The following BAHCC1 variants were observed in gnomAD, a reference collection of about 807,000 sequenced individuals.
The protein encoded by BAHCC1 is BAH and coiled-coil domain-containing protein 1.
BAHCC1 carries 43 observed loss-of-function variants against 88.2 expected under a neutral mutation model. The ratio of observed to expected loss-of-function variants is 0.49; its 90% CI spans 0.38 to 0.63. The LOEUF (loss-of-function observed/expected upper bound fraction) is 0.63, where lower values mean the gene tolerates loss of function less well. Among genes scored for constraint, BAHCC1 ranks in the 20% least tolerant of loss-of-function variants. The pLI is 0.00. For missense variants in BAHCC1, 3,023 were observed against 1,654.8 expected (o/e 1.83, Z -14.34); for synonymous variants, 1,510 against 745.5 (o/e 2.03, Z -16.71).
chr17:81,450,415 C>T (rs1371793770), intron 11 of BAHCC1, among the ~76,000 whole-genome samples: 2 of 152,322 alleles, frequency 1.3e-5, no homozygotes, highest in East Asian at 1.9e-4. Flanking sequence ...CATGCTCTGA[C>T]CCCAAGATGG....
At position 81,411,524 on chromosome 17, in the gene BAHCC1, C is replaced by T. The variant is rs782481962; in HGVS notation, c.178+11607C>T. ...CCTGCCTGCCTGCCTGCCTTCCTTC[C>T]TTCCTTCCTTCCTTCCTTCCTTCCT... On this transcript the variant is annotated intron_variant, in intron 2 of 27. Coordinates refer to ENST00000675386, the MANE Select transcript of BAHCC1 (RefSeq NM_001377448.1). The surrounding 1 kb of genome is among the most constrained non-coding windows in gnomAD (Gnocchi z 6.2). The T allele has an allele frequency of 2.2e-5, 5 of 225,488 alleles. No individual in the cohort carries two copies. Among genetic ancestry groups the T allele is most frequent in the Non-Finnish European group, 4.2e-5 (5 of 117,726 alleles). The allele number at this position is 225,488 out of a possible 1,614,324, so 14.0% of individuals were successfully genotyped here. A position where few individuals can be genotyped will look rare whatever the true frequency, so the allele number is the denominator to read the frequency against.
chr17:81,398,547 A>T (rs1179309892), intron 1 of BAHCC1, among the ~76,000 whole-genome samples: 1 of 152,234 alleles, frequency 6.6e-6, no homozygotes, highest in Non-Finnish European at 1.5e-5. Context: ...CAGGCGCTGA[A>T]GGAAGAAATC....
intron 3 of BAHCC1, among the ~76,000 whole-genome samples, chr17:81,437,337 AGGGCTG>A (rs1245341034): frequency 8.5e-5 from 13 of 152,154 alleles, no homozygotes; most frequent in Admixed American, 1.3e-4. Flanking sequence ...CACTGCACGG[AGGGCTG>A]GGGCTGGGGC....
At chr17:81,429,297 G>A (rs2064234250) in intron 3 of BAHCC1, among the ~76,000 whole-genome samples, 2 of 152,222 alleles carry the variant, frequency 1.3e-5, no homozygotes, top group African/African-American at 4.8e-5. Context: ...GAGCCTCCAA[G>A]GCCACACACC....
At chr17:81,438,017 T>C (rs1349333375) in intron 3 of BAHCC1, among the ~76,000 whole-genome samples, 2 of 152,290 alleles carry the variant, frequency 1.3e-5, no homozygotes, top group South Asian at 2.1e-4. Flanking sequence ...GCAGAGTCTG[T>C]CCACCGTGCC....
In BAHCC1 at chr17:81,463,799, C is replaced by T. The variant is rs782077769; in HGVS notation, c.7809C>T (p.Gly2603=). The change falls in exon 28 of 28, where the codon GGC becomes GGT. Residue 2603 remains glycine, a synonymous_variant. Coordinates refer to ENST00000675386, the MANE Select transcript of BAHCC1 (RefSeq NM_001377448.1). ...CCGGGCGCCTGGTGACGGCTGATGG[C>T]GTGCCCATCCTATGCTGAGCCGCCC... The part of the protein sequence containing the change: ...PTTGRLVTAD[G]VPILC The T allele has an allele frequency of 2.2e-5, 16 of 742,680 alleles. No homozygotes were observed. Among genetic ancestry groups the T allele is most frequent in the African/African-American group, 8.6e-5 (5 of 58,154 alleles). The allele number at this position is 742,680 out of a possible 1,614,324, so 46.0% of individuals were successfully genotyped here.
chr17:81,411,280 C>A lies in BAHCC1; in HGVS notation c.178+11363C>A, dbSNP rs1185472914. 12 of 458,280 alleles carry A rather than the reference C, an allele frequency of 2.6e-5. No individual in the cohort carries two copies. Among genetic ancestry groups the A allele is most frequent in the African/African-American group, 2.2e-4 (11 of 50,454 alleles). 28.4% of individuals were successfully genotyped at this position (458,280 alleles called of 1,614,324 possible). On this transcript the variant is annotated intron_variant, in intron 2 of 27. Coordinates refer to ENST00000675386, the MANE Select transcript of BAHCC1 (RefSeq NM_001377448.1). This position sits in a 1 kb window ranked among gnomAD's most constrained non-coding sequence, Gnocchi z 6.2. ...CTCCCCTTCTCGGCAGCTCCCAAAC[C>A]CTGACCCCAGACAGGCAGCAGGAGC...
In BAHCC1 at chr17:81,447,620, A is replaced by C; in HGVS notation, c.3748A>C (p.Asn1250His). The C allele has an allele frequency of 1.3e-6, 1 of 745,204 alleles. No individual in the cohort carries two copies. Among genetic ancestry groups the C allele is most frequent in the South Asian group, 1.4e-5 (1 of 69,732 alleles). The allele number at this position is 745,204 out of a possible 1,614,324, so 46.2% of individuals were successfully genotyped here. ...GGAGGACTGTGGCGGAGCTCCCGAC[A>C]ACAGCCACCCACCCAGGGCGCTACC... ...SEEDCGGAPDNSHPPRALPGL... is the reference protein window; with the variant it reads ...SEEDCGGAPDHSHPPRALPGL... The change falls in exon 11 of 28, where the codon AAC becomes CAC. Residue 1250 changes from asparagine (N) to histidine (H), a missense_variant. By Grantham distance (68) the Asn-to-His change is moderately conservative. Coordinates refer to ENST00000675386, the MANE Select transcript of BAHCC1 (RefSeq NM_001377448.1).
At chr17:81,455,526 G>A (rs1043061559) in intron 15 of BAHCC1, 136 bp downstream of exon 15, 46 of 610,174 alleles carry the variant, frequency 7.5e-5, no homozygotes, top group East Asian at 6.6e-4. Flanking sequence ...GGGGAGCTCC[G>A]AGCGCCGACA....
At chr17:81,438,230 T>C in intron 3 of BAHCC1, 140 bp from the exon 4 acceptor site, 1 of 643,156 alleles carries the variant, frequency 1.6e-6, no homozygotes, top group Non-Finnish European at 2.8e-6. Context: ...TGGGTTGATT[T>C]CCCCCCGGCG....
chr17:81,427,889 C>G (rs985497323), intron 3 of BAHCC1, among the ~76,000 whole-genome samples: 1 of 152,168 alleles, frequency 6.6e-6, no homozygotes, highest in South Asian at 2.1e-4. Flanking sequence ...GCCACCGCCC[C>G]GTTCCAGGCA....
At chr17:81,421,981 C>T in intron 2 of BAHCC1, 1 of 402,772 alleles carries the variant, frequency 2.5e-6, no homozygotes, top group South Asian at 1.8e-5. Context: ...GGCCTCAGGG[C>T]CGGGGTCTCG....
At chr17:81,420,746 C>T (rs973600146) in intron 2 of BAHCC1, among the ~76,000 whole-genome samples, 11 of 152,366 alleles carry the variant, frequency 7.2e-5, no homozygotes, top group African/African-American at 2.2e-4. Context: ...AACTGGAGGC[C>T]AGTGTGCAGT....
rs2063954046 is a variant in BAHCC1 at position 81,411,542 on chromosome 17, TCC to T, written c.178+11626_178+11627del. 2.6e-6 allele frequency: 1 copy of T among 387,664 alleles called. No homozygotes were observed. The highest frequency in any genetic ancestry group is 5.0e-6 in the Non-Finnish European group (1 of 198,168). The allele number at this position is 387,664 out of a possible 1,614,324, so 24.0% of individuals were successfully genotyped here. On this transcript the variant is annotated intron_variant, in intron 2 of 27. Transcript: ENST00000675386. The surrounding 1 kb of genome is among the most constrained non-coding windows in gnomAD (Gnocchi z 6.2). Reference sequence around the variant, plus strand: ...TTCCTTCCTTCCTTCCTTCCTTCCTTCCTTCCTTCCTTCCTTCCTTCCTTCCT... The same window carrying T: ...TTCCTTCCTTCCTTCCTTCCTTCCTTTTCCTTCCTTCCTTCCTTCCTTCCT...
chr17:81,421,172 C>T (rs880000261), intron 2 of BAHCC1, among the ~76,000 whole-genome samples: 14 of 152,256 alleles, frequency 9.2e-5, no homozygotes, highest in East Asian at 1.9e-4. Context: ...CAGCTGCCTC[C>T]GCCTGGGCTG....
intron 3 of BAHCC1, among the ~76,000 whole-genome samples, chr17:81,429,247 C>T (rs1396679948): frequency 2.0e-5 from 3 of 152,222 alleles, no homozygotes; most frequent in Admixed American, 6.5e-5. Context: ...AAGGCCCACC[C>T]GGGGCTGAGG....
At position 81,442,238 on chromosome 17, in the gene BAHCC1, G is replaced by A; in HGVS notation, c.889G>A (p.Ala297Thr). ...TKVLNGEMGR[A>T]ALASCAGGML... ...GGTGCTCAACGGCGAGATGGGCAGG[G>A]CTGCGCTAGCCAGCTGTGCAGGGGG... Residue 297 changes from alanine to threonine, a missense_variant, in exon 5 of 28, where the codon GCT (alanine) becomes ACT (threonine). Coordinates refer to ENST00000675386, the MANE Select transcript of BAHCC1 (RefSeq NM_001377448.1). 1.6e-6 allele frequency: 1 copy of A among 634,664 alleles called. No individual in the cohort carries two copies. The allele number at this position is 634,664 out of a possible 1,614,324, so 39.3% of individuals were successfully genotyped here. A position where few individuals can be genotyped will look rare whatever the true frequency, so the allele number is the denominator to read the frequency against.
chr17:81,398,927 G>A (rs1383733800), intron 1 of BAHCC1, among the ~76,000 whole-genome samples: 5 of 149,092 alleles, frequency 3.4e-5, no homozygotes, highest in Admixed American at 1.3e-4. Flanking sequence ...AGAAAAGGAA[G>A]GTTATTAAAA....
rs781836263 is a variant in BAHCC1, at chr17:81,444,500, C to A, written c.2444C>A (p.Thr815Asn). ...CTGGGCGGGGACCCAGCCCCCCACA[C>A]CCACCCCCATCCCCCCTGGCTGCCC... is the stretch of plus-strand genomic sequence containing the variant. ...GQLGGDPAPHTHPHPPWLPRT... is the reference protein window; with the variant it reads ...GQLGGDPAPHNHPHPPWLPRT... The change falls in exon 7 of 28, where the codon ACC becomes AAC. Residue 815 changes from threonine (T) to asparagine (N), a missense_variant. Physicochemically the swap from Thr to Asn is moderately conservative, Grantham distance 65. Coordinates refer to ENST00000675386, the MANE Select transcript of BAHCC1 (RefSeq NM_001377448.1). The A allele has an allele frequency of 4.3e-6, 3 of 704,066 alleles. No homozygotes were observed. The highest frequency in any genetic ancestry group is 3.5e-5 in the African/African-American group (2 of 57,158). 43.6% of individuals were successfully genotyped at this position (704,066 alleles called of 1,614,324 possible). A position where few individuals can be genotyped will look rare whatever the true frequency, so the allele number is the denominator to read the frequency against.
Sources: allele counts gnomAD v4.1 joint callset (sites outside exome capture counted in the v4.1 genomes callset), GRCh38; gene constraint gnomAD v4.1.1; non-coding constraint Gnocchi (gnomAD v3.1); transcripts MANE v1.5; gene names NCBI Gene and HGNC (gene_info 2026-07-23, HGNC 2026-07-21).